The following ATE1 variants were observed in gnomAD, a reference collection of about 807,000 sequenced individuals.
ATE1 encodes arginyltransferase 1.
Under a neutral mutation model 70.5 loss-of-function variants are expected in ATE1, and 36 were observed. That is an observed-to-expected ratio of 0.51 (90% CI 0.39 to 0.67). The LOEUF (loss-of-function observed/expected upper bound fraction) is 0.67, where lower values mean the gene tolerates loss of function less well. Among genes scored for constraint, ATE1 ranks in the 30% least tolerant of loss-of-function variants. The pLI, the probability that ATE1 is intolerant of heterozygous loss-of-function variation, is 0.00. For missense variants in ATE1, 593 were observed against 629.5 expected, an observed-to-expected ratio of 0.94 and a Z score of 0.62; for synonymous variants, 232 against 219.3, an observed-to-expected ratio of 1.06 and a Z score of -0.51.
intron 8 of ATE1, among the ~76,000 whole-genome samples, chr10:121,852,600 A>G (rs775761448): frequency 2.0e-4 from 30 of 152,002 alleles, no homozygotes; most frequent in Non-Finnish European, 7.4e-5. Flanking sequence ...AATCCCAGCT[A>G]CTTGGGAGGC....
rs541899505 is a variant in ATE1 at position 121,809,927 on chromosome 10, G to C, written c.1258-19638C>G. ...CAAAAAAAAAAACAATGCACCCAGA[G>C]GTTAGTGGTCAACAGTGAAATGCCA... On this transcript the variant is annotated intron_variant, in intron 10 of 11. Coordinates refer to ENST00000224652, the MANE Select transcript of ATE1 (RefSeq NM_001001976.3). Among the ~76,000 whole-genome samples the C allele has an allele frequency of 8.6e-5, 13 of 151,998 alleles. No individual in the cohort carries two copies. In the South Asian group the frequency reaches 2.7e-3, roughly 32 times the overall value.
In ATE1 at chr10:121,777,504, A is replaced by G. The variant is rs572629490; in HGVS notation, c.1378+12665T>C. On this transcript the variant is annotated intron_variant, in intron 11 of 11. Transcript: ENST00000224652. ...GACCGTAAGAGCTAAGGAGATACAC[A>G]TGCAGTCAAGATAGAAACCTCTTGG... Among the ~76,000 whole-genome samples the G allele has an allele frequency of 7.2e-5, 11 of 152,342 alleles. No individual in the cohort carries two copies. The East Asian group carries it at 1.7e-3, about 24-fold the overall frequency.
rs1340603446 is a variant in ATE1 at position 121,841,242 on chromosome 10, G to A, written c.997C>T (p.Pro333Ser). The A allele has an allele frequency of 2.0e-6, 3 of 1,528,334 alleles. No homozygotes were observed. The highest frequency in any genetic ancestry group is 4.7e-5 in the East Asian group (2 of 42,646). 94.7% of individuals were successfully genotyped at this position (1,528,334 alleles called of 1,614,324 possible). A position where few individuals can be genotyped will look rare whatever the true frequency, so the allele number is the denominator to read the frequency against. ...TGAAAGGAGCCATAGCCACAATCTG[G>A]CCCATTAGGGGGAGTCTCTGCCTAA... The part of the protein sequence containing the change: ...PLEAETPPNG[P>S]DCGYGSFHQQ... The change falls in exon 9 of 12, where the codon CCA becomes TCA. Residue 333 changes from proline (P) to serine (S), a missense_variant. Pro to Ser is a moderately conservative substitution (Grantham distance 74). Transcript: ENST00000224652.
intron 8 of ATE1, among the ~76,000 whole-genome samples, chr10:121,864,889 C>T (rs1210405601): frequency 2.0e-5 from 3 of 152,068 alleles, no homozygotes; most frequent in African/African-American, 4.8e-5. Flanking sequence ...GCCAGAGATG[C>T]TAAGCTTCCC....
At chr10:121,787,423 C>T (rs967804342) in intron 11 of ATE1, among the ~76,000 whole-genome samples, 5 of 152,154 alleles carry the variant, frequency 3.3e-5, no homozygotes, top group African/African-American at 1.2e-4. Flanking sequence ...TACATTCCAG[C>T]ATGTAACTGC....
intron 11 of ATE1, among the ~76,000 whole-genome samples, chr10:121,745,505 A>G (rs1025431994): frequency 2.0e-5 from 3 of 152,082 alleles, no homozygotes; most frequent in Admixed American, 1.3e-4. Context: ...TCACGAGGTC[A>G]GGAGATCGAC....
intron 8 of ATE1, among the ~76,000 whole-genome samples, chr10:121,865,314 A>G (rs1401504994): frequency 6.6e-6 from 1 of 152,204 alleles, no homozygotes; most frequent in Non-Finnish European, 1.5e-5. Context: ...AAGGAACAGA[A>G]GGACACACCT....
intron 11 of ATE1, among the ~76,000 whole-genome samples, chr10:121,769,873 A>C (rs964267910): frequency 6.6e-6 from 1 of 152,242 alleles, no homozygotes; most frequent in Non-Finnish European, 1.5e-5. Flanking sequence ...AATGTGGGTA[A>C]ACATGAAAGA....
Position 121,922,363 on chromosome 10 carries a change from A to G in ATE1, c.219T>C (p.Pro73=), listed in dbSNP as rs750687440. 6.9e-6 allele frequency: 11 copies of G among 1,596,908 alleles called. No individual in the cohort carries two copies. The South Asian group carries it at 7.8e-5, about 11-fold the overall frequency. The change falls in exon 3 of 12, where the codon CCT becomes CCC. Residue 73 remains proline (P), a synonymous_variant. Transcript: ENST00000224652. The stretch of plus-strand genomic sequence containing the variant: ...AAAATTCTTACCTTATTGTGTACTG[A>G]GGACAACATGTTTGATTCATGACAG... The part of the protein sequence containing the change: ...YKPVMNQTCC[P]QYTIRCRPLQ...
chr10:121,905,562 CGGGG>C (rs1951156724), intron 5 of ATE1, among the ~76,000 whole-genome samples: 1 of 152,128 alleles, frequency 6.6e-6, no homozygotes, highest in Non-Finnish European at 1.5e-5. Context: ...GGATTTCAGG[CGGGG>C]CTCAGTGGCT....
chr10:121,770,536 A>G (rs1945468521), intron 11 of ATE1, among the ~76,000 whole-genome samples: 1 of 152,138 alleles, frequency 6.6e-6, no homozygotes, highest in South Asian at 2.1e-4. Flanking sequence ...ATGTTCTTTA[A>G]AACTATTTGC....
chr10:121,927,735 G>C, intron 1 of ATE1, 109 bp downstream of exon 1: 7 of 1,363,434 alleles, frequency 5.1e-6, no homozygotes, highest in Non-Finnish European at 5.7e-6. Context: ...CGTCTCGGCC[G>C]TGGCACTGGG....
chr10:121,867,525 C>T (rs1949704565), intron 8 of ATE1, among the ~76,000 whole-genome samples: 2 of 152,092 alleles, frequency 1.3e-5, no homozygotes, highest in African/African-American at 4.8e-5. Context: ...GGTTAGATGC[C>T]GTTTCCACAT....
intron 10 of ATE1, among the ~76,000 whole-genome samples, chr10:121,802,268 T>C (rs1946913296): frequency 6.6e-6 from 1 of 151,722 alleles, no homozygotes; most frequent in Non-Finnish European, 1.5e-5. Flanking sequence ...TCACAGGCTA[T>C]CTTCTGCCTG....
intron 10 of ATE1, among the ~76,000 whole-genome samples, chr10:121,832,364 T>C (rs1023211918): frequency 1.3e-5 from 2 of 152,184 alleles, no homozygotes; most frequent in African/African-American, 4.8e-5. Context: ...AATATAAGAT[T>C]TGTTACTTAA....
rs145934538 is a variant in ATE1, at chr10:121,919,680, G to T, written c.233+2669C>A. ...CCTGAAATCCCAGCACTTTGAGGTG[G>T]GTAGATCACGAGTTCGAGAGTAGCG... On this transcript the variant is annotated intron_variant, in intron 3 of 11. Coordinates refer to ENST00000224652, the MANE Select transcript of ATE1 (RefSeq NM_001001976.3). Among the ~76,000 whole-genome samples the T allele has an allele frequency of 7.2e-3, 1,076 of 149,672 alleles. 24 individuals carry two copies. The highest frequency in any genetic ancestry group is 0.025 in the African/African-American group (1,018 of 40,664).
intron 8 of ATE1, among the ~76,000 whole-genome samples, chr10:121,845,413 A>C (rs1948780403): frequency 6.6e-6 from 1 of 152,214 alleles, no homozygotes; most frequent in Non-Finnish European, 1.5e-5. Flanking sequence ...ATTTTTAAAA[A>C]ATCATTTAGG....
chr10:121,925,984 T>A (rs570975689), intron 1 of ATE1, among the ~76,000 whole-genome samples: 72 of 151,912 alleles, frequency 4.7e-4, no homozygotes, highest in Admixed American at 4.5e-3. Context: ...GGCGGGTAGA[T>A]CACCTGAGGT....
chr10:121,879,580 C>T (rs1370929578), intron 7 of ATE1, among the ~76,000 whole-genome samples: 1 of 152,188 alleles, frequency 6.6e-6, no homozygotes, highest in Non-Finnish European at 1.5e-5. Context: ...TTCAACTACT[C>T]GTGAATTCAA....
Sources: allele counts gnomAD v4.1 joint callset (sites outside exome capture counted in the v4.1 genomes callset), GRCh38; gene constraint gnomAD v4.1.1; transcripts MANE v1.5; gene names NCBI Gene and HGNC (gene_info 2026-07-23, HGNC 2026-07-21).